ASXL2: variants seen among roughly 807,000 people sequenced by gnomAD.
ASXL2 encodes the protein putative Polycomb group protein ASXL2.
ASXL2 carries 23 observed loss-of-function variants against 122.0 expected under a neutral mutation model. That is an observed-to-expected ratio of 0.19 (90% CI 0.14 to 0.27). The LOEUF (loss-of-function observed/expected upper bound fraction) is 0.27, where lower values mean the gene tolerates loss of function less well. Ranked by LOEUF, ASXL2 falls within the 10% of genes least tolerant of loss-of-function variation. The pLI, the probability that ASXL2 is intolerant of heterozygous loss-of-function variation, is 1.00. For missense variants in ASXL2, 1,518 were observed against 1,713.8 expected, an observed-to-expected ratio of 0.89 and a Z score of 2.02; for synonymous variants, 650 against 637.0, an observed-to-expected ratio of 1.02 and a Z score of -0.31.
At position 25,742,306 on chromosome 2, in the gene ASXL2, G is replaced by C; in HGVS notation, c.4031C>G (p.Ala1344Gly). ...STSSDMDHNSAVPGSQVSSNV... is the reference protein window; with the variant it reads ...STSSDMDHNSGVPGSQVSSNV... Reference sequence around the variant, plus strand: ...GCTAGATACCTGGCTACCTGGTACAGCAGAGTTATGGTCCATGTCAGATGA... The same window carrying C: ...GCTAGATACCTGGCTACCTGGTACACCAGAGTTATGGTCCATGTCAGATGA... The change falls in exon 13 of 13, where the codon GCT (alanine) becomes GGT (glycine). Residue 1344 changes from alanine (A) to glycine (G), a missense_variant. This residue lies in a region of ASXL2 where 831 missense variants were observed against 833.1 expected (regional missense o/e 1.00). Transcript: ENST00000435504. 6.2e-7 allele frequency: 1 copy of C among 1,613,852 alleles called. No individual in the cohort carries two copies. The highest frequency in any genetic ancestry group is 8.5e-7 in the Non-Finnish European group (1 of 1,179,886).
intron 3 of ASXL2, among the ~76,000 whole-genome samples, chr2:25,833,934 TCTC>T (rs1269401790): frequency 3.3e-5 from 5 of 152,272 alleles, no homozygotes; most frequent in South Asian, 4.1e-4. Flanking sequence ...CTGCCTTCCT[TCTC>T]CTAATTTCAG....
chr2:25,876,541 AC>A (rs1247755210), intron 1 of ASXL2, among the ~76,000 whole-genome samples: 1 of 152,142 alleles, frequency 6.6e-6, no homozygotes, highest in Non-Finnish European at 1.5e-5. Flanking sequence ...AATTTTAAAG[AC>A]CCTAGGAACT....
chr2:25,765,937 T>C (rs1478698984), intron 8 of ASXL2, among the ~76,000 whole-genome samples: 3 of 152,234 alleles, frequency 2.0e-5, no homozygotes, highest in Non-Finnish European at 4.4e-5. Flanking sequence ...ATATGTGATA[T>C]ACTACATTAA....
chr2:25,792,842 G>A (rs891167487), intron 5 of ASXL2, among the ~76,000 whole-genome samples: 15 of 152,024 alleles, frequency 9.9e-5, no homozygotes, highest in East Asian at 1.9e-4. Flanking sequence ...CTTAACTCAC[G>A]TGATCTGCCC....
chr2:25,876,866 T>C (rs2090013264), intron 1 of ASXL2, among the ~76,000 whole-genome samples: 6 of 152,190 alleles, frequency 3.9e-5, no homozygotes, highest in Admixed American at 3.9e-4. Context: ...AACCTCCTAA[T>C]GCATAAAGTT....
chr2:25,858,687 T>C (rs78715885), intron 1 of ASXL2, among the ~76,000 whole-genome samples: 47,710 of 148,282 alleles, frequency 0.32, 8,177 homozygotes, highest in African/African-American at 0.41. Flanking sequence ...CACGCCACTG[T>C]ACTCCAGCCT....
At chr2:25,788,163 G>A (rs779914563) in intron 5 of ASXL2, among the ~76,000 whole-genome samples, 6 of 152,214 alleles carry the variant, frequency 3.9e-5, no homozygotes, top group South Asian at 2.1e-4. Context: ...ATATCCCTAC[G>A]GGGTGAAAGG....
rs1392187299 is a variant in ASXL2 at position 25,743,794 on chromosome 2, T to C, written c.2543A>G (p.His848Arg). 1.9e-6 allele frequency: 3 copies of C among 1,613,914 alleles called. No individual in the cohort carries two copies. Among genetic ancestry groups the C allele is most frequent in the Non-Finnish European group, 2.5e-6 (3 of 1,179,902 alleles). The change falls in exon 13 of 13, where the codon CAT (histidine) becomes CGT (arginine). Residue 848 changes from histidine (H) to arginine (R), a missense_variant. By Grantham distance (29) the His-to-Arg change is conservative. Transcript: ENST00000435504. ...PALISGASPV[H>R]CAADGTVELK... ...CTCAACTGTGCCATCAGCTGCACAATGAACAGGTGAGGCACCTGAGATTAG... is the reference window on the plus strand; with the variant it reads ...CTCAACTGTGCCATCAGCTGCACAACGAACAGGTGAGGCACCTGAGATTAG...
chr2:25,754,970 T>C (rs1012130060), intron 10 of ASXL2, among the ~76,000 whole-genome samples: 7 of 152,280 alleles, frequency 4.6e-5, no homozygotes, highest in Non-Finnish European at 7.4e-5. Context: ...AGAAACAATC[T>C]AGATTATATA....
intron 5 of ASXL2, among the ~76,000 whole-genome samples, chr2:25,784,968 C>CTTAA (rs2088712976): frequency 6.6e-6 from 1 of 152,214 alleles, no homozygotes; most frequent in African/African-American, 2.4e-5. Flanking sequence ...ATGGTGTGAA[C>CTTAA]TTAACACTGT....
intron 1 of ASXL2, among the ~76,000 whole-genome samples, chr2:25,868,553 A>T (rs1001232604): frequency 2.6e-5 from 4 of 152,214 alleles, no homozygotes; most frequent in African/African-American, 9.7e-5. Flanking sequence ...GCAAGGTCAG[A>T]CTTAAGAATT....
In ASXL2 at chr2:25,735,106, G is replaced by A. The variant is rs2087714126; in HGVS notation, c.*6923C>T. ...CAGGAAAACCCACTATTTAGCCACA[G>A]CCCATCTCCAAGTTGATCCTTTCTG... On this transcript the variant is annotated 3_prime_UTR_variant, in exon 13 of 13. Coordinates refer to ENST00000435504, the MANE Select transcript of ASXL2 (RefSeq NM_018263.6). The A allele has an allele frequency of 6.6e-6, 1 of 152,162 alleles. No homozygotes were observed. Among genetic ancestry groups the A allele is most frequent in the Admixed American group, 6.5e-5 (1 of 15,276 alleles). 9.4% of individuals were successfully genotyped at this position (152,162 alleles called of 1,614,324 possible). A position where few individuals can be genotyped will look rare whatever the true frequency, so the allele number is the denominator to read the frequency against.
In ASXL2 at chr2:25,744,654, G is replaced by A. The variant is rs1186706963; in HGVS notation, c.1861-178C>T. ...AGACAGCAATACTAGTTTGTCTCTA[G>A]GGTCCTTGCATCCACTTTTTCTATT... On this transcript the variant is annotated intron_variant, in intron 12 of 12. Coordinates refer to ENST00000435504, the MANE Select transcript of ASXL2 (RefSeq NM_018263.6). This position sits in a 1 kb window ranked among gnomAD's most constrained non-coding sequence, Gnocchi z 4.7. 1.3e-5 allele frequency among the ~76,000 whole-genome samples: 2 copies of A among 152,146 alleles called. No individual in the cohort carries two copies. The highest frequency in any genetic ancestry group is 2.4e-5 in the African/African-American group (1 of 41,422).
chr2:25,756,453 C>CAAAAAAAAAAAAAAAAAA (rs554502367), intron 9 of ASXL2, among the ~76,000 whole-genome samples: 1 of 23,352 alleles, frequency 4.3e-5, no homozygotes, highest in Non-Finnish European at 9.5e-5. Flanking sequence ...CAGATAATGA[C>CAAAAAAAAAAAAAAAAAA]AAAAAAAAAA....
At chr2:25,747,934 C>T (rs768748901) in intron 12 of ASXL2, among the ~76,000 whole-genome samples, 6 of 151,800 alleles carry the variant, frequency 4.0e-5, no homozygotes, top group African/African-American at 1.4e-4. Context: ...TTTGGGAGGC[C>T]GAGGCAGGTG....
rs761634205 is a variant in ASXL2, at chr2:25,734,031, A to C, written c.*7998T>G. On this transcript the variant is annotated 3_prime_UTR_variant, in exon 13 of 13. Transcript: ENST00000435504. ...TTCTCTTAGTGCTGGTGAAGGGTGC[A>C]ATGCAGTCACAGAATTAAGACAGGT... 1.3e-5 allele frequency: 2 copies of C among 151,788 alleles called. No individual in the cohort carries two copies. The highest frequency in any genetic ancestry group is 2.9e-5 in the Non-Finnish European group (2 of 67,970). 9.4% of individuals were successfully genotyped at this position (151,788 alleles called of 1,614,324 possible). A position where few individuals can be genotyped will look rare whatever the true frequency, so the allele number is the denominator to read the frequency against.
At chr2:25,803,838 C>T (rs141925959) in intron 4 of ASXL2, among the ~76,000 whole-genome samples, 1 of 152,194 alleles carries the variant, frequency 6.6e-6, no homozygotes, top group East Asian at 1.9e-4. Context: ...GGGTTCCTAA[C>T]GGGCCACAGA....
Position 25,742,666 on chromosome 2 carries a change from T to A in ASXL2, c.3671A>T (p.Asp1224Val), listed in dbSNP as rs202092276. 354 of 1,614,006 alleles carry A rather than the reference T, an allele frequency of 2.2e-4. No individual in the cohort carries two copies. Among genetic ancestry groups the A allele is most frequent in the Admixed American group, 3.5e-4 (21 of 60,028 alleles). Residue 1224 changes from aspartate to valine, a missense_variant, in exon 13 of 13, where the codon GAT becomes GTT. This residue lies in a region of ASXL2 where 831 missense variants were observed against 833.1 expected (regional missense o/e 1.00). Coordinates refer to ENST00000435504, the MANE Select transcript of ASXL2 (RefSeq NM_018263.6). ...CTTCACATTCTTGCTAGCTAAGCAA[T>A]CACTGGTAGATAGAGTTTCCCTGCT... is the stretch of plus-strand genomic sequence containing the variant. The part of the protein sequence containing the change: ...PHSRETLSTS[D>V]CLASKNVKAE...
chr2:25,768,519 G>A (rs888790763), intron 7 of ASXL2, among the ~76,000 whole-genome samples: 1 of 152,084 alleles, frequency 6.6e-6, no homozygotes, highest in African/African-American at 2.4e-5. Flanking sequence ...GCCCAGGCTG[G>A]TCTTGAACTC....
Sources: allele counts gnomAD v4.1 joint callset (sites outside exome capture counted in the v4.1 genomes callset), GRCh38; gene constraint gnomAD v4.1.1; regional missense constraint gnomAD v4.1.1; non-coding constraint Gnocchi (gnomAD v3.1); transcripts MANE v1.5; gene names NCBI Gene and HGNC (gene_info 2026-07-23, HGNC 2026-07-21).